The following NXPE4 variants were observed in gnomAD, a reference collection of about 807,000 sequenced individuals.
NXPE4 encodes the protein NXPE family member 4.
NXPE4 carries 42 observed loss-of-function variants against 33.3 expected under a neutral mutation model. The ratio of observed to expected loss-of-function variants is 1.26; its 90% CI spans 0.98 to 1.63. The LOEUF is 1.63. Ranked by LOEUF, NXPE4 falls within the 40% of genes most tolerant of loss-of-function variation. NXPE4 has a pLI of 0.00. For missense variants in NXPE4, 709 were observed against 647.6 expected (o/e 1.09, Z -1.03); for synonymous variants, 253 against 234.9 (o/e 1.08, Z -0.71).
At chr11:114,638,669 TTTTC>T in the NXPE4 span, among the ~76,000 whole-genome samples, 1 of 152,098 alleles carries the variant, frequency 6.6e-6, no homozygotes, top group African/African-American at 2.4e-5. Context: ...TGTTTGTTAG[TTTTC>T]TTTCTAACAG....
chr11:114,665,110 A>G, the NXPE4 span, among the ~76,000 whole-genome samples: 1 of 152,188 alleles, frequency 6.6e-6, no homozygotes, highest in Non-Finnish European at 1.5e-5. Flanking sequence ...AATGTGTATT[A>G]GGGTTTCATT....
intron 5 of NXPE4, among the ~76,000 whole-genome samples, chr11:114,576,996 T>C (rs1406432811): frequency 1.2e-5 from 1 of 85,866 alleles, no homozygotes; most frequent in South Asian, 4.2e-4. Flanking sequence ...TATATACATA[T>C]ATATATATAA....
intron 4 of NXPE4, among the ~76,000 whole-genome samples, chr11:114,581,298 G>A (rs1949139363): frequency 6.6e-6 from 1 of 152,176 alleles, no homozygotes; most frequent in Non-Finnish European, 1.5e-5. Context: ...CAAAGATCAA[G>A]AGGGAGGGGT....
chr11:114,576,889 CAT>C (rs1316098365), intron 5 of NXPE4, among the ~76,000 whole-genome samples: 10 of 150,702 alleles, frequency 6.6e-5, no homozygotes, highest in Non-Finnish European at 8.9e-5. Flanking sequence ...CTTGTACACA[CAT>C]GTTTCTAGCA....
intron 2 of NXPE4, chr11:114,583,443 T>C (rs1330145185): frequency 3.0e-6 from 2 of 669,658 alleles, no homozygotes; most frequent in Non-Finnish European, 5.6e-6. Context: ...GCTGAGGAGA[T>C]GACCAAGTAC....
Position 114,582,670 on chromosome 11 carries a change from C to A in NXPE4, c.448G>T (p.Gly150Cys). Residue 150 changes from glycine to cysteine, a missense_variant, in exon 3 of 6, where the codon GGT becomes TGT. Coordinates refer to ENST00000375478, the MANE Select transcript of NXPE4 (RefSeq NM_001077639.2). ...AAGTCAGTCACCTTTCCTGAAGCAC[C>A]TGCCATCAGCGCTGGGGAAGACATC... ...ARMSSPALMA[G>C]ASGKVTDFNN... is the part of the protein sequence containing the mutation. 1 of 1,614,158 alleles carries A rather than the reference C, an allele frequency of 6.2e-7. No individual in the cohort carries two copies. Among genetic ancestry groups the A allele is most frequent in the Non-Finnish European group, 8.5e-7 (1 of 1,180,012 alleles).
In NXPE4 at chr11:114,580,214, T is replaced by A. The variant is rs752002932; in HGVS notation, c.1017A>T (p.Glu339Asp). The A allele has an allele frequency of 3.1e-6, 5 of 1,614,092 alleles. No homozygotes were observed. In the Admixed American group the frequency reaches 8.3e-5, roughly 27 times the overall value. ...GGTATATGAGTTTTCCTCTCAGGCA[T>A]TCCTTCATTTTGACTGTAGCCAAAC... Reference protein sequence around the residue: ...SCSLATVKMKECLRGKLIYLM... With the variant: ...SCSLATVKMKDCLRGKLIYLM... The change falls in exon 5 of 6, where the codon GAA becomes GAT. Residue 339 changes from glutamate (E) to aspartate (D), a missense_variant. Coordinates refer to ENST00000375478, the MANE Select transcript of NXPE4 (RefSeq NM_001077639.2).
the NXPE4 span, among the ~76,000 whole-genome samples, chr11:114,603,123 A>G: frequency 6.6e-6 from 1 of 151,902 alleles, no homozygotes; most frequent in Non-Finnish European, 1.5e-5. Flanking sequence ...AACTACTATT[A>G]TCTAGTGGAT....
At chr11:114,646,776 T>A in the NXPE4 span, among the ~76,000 whole-genome samples, 1 of 152,224 alleles carries the variant, frequency 6.6e-6, no homozygotes, top group Non-Finnish European at 1.5e-5. Flanking sequence ...TTAAAGAGTT[T>A]TCTTTTTAAG....
the NXPE4 span, among the ~76,000 whole-genome samples, chr11:114,636,569 G>C: frequency 6.6e-6 from 1 of 151,308 alleles, no homozygotes; most frequent in Non-Finnish European, 1.5e-5. Flanking sequence ...TGTCAATTTT[G>C]GATCTTTCCT....
the NXPE4 span, among the ~76,000 whole-genome samples, chr11:114,639,340 G>C: frequency 1.3e-5 from 2 of 151,984 alleles, no homozygotes; most frequent in South Asian, 4.1e-4. Flanking sequence ...ATTAGGGTGG[G>C]AGTGACCCGA....
At chr11:114,649,118 C>T in the NXPE4 span, among the ~76,000 whole-genome samples, 2 of 150,508 alleles carry the variant, frequency 1.3e-5, no homozygotes, top group African/African-American at 4.9e-5. Flanking sequence ...CAGCAAGCAC[C>T]TCAGCTTGTC....
chr11:114,620,002 T>C, the NXPE4 span, among the ~76,000 whole-genome samples: 1 of 152,064 alleles, frequency 6.6e-6, no homozygotes, highest in Admixed American at 6.6e-5. Flanking sequence ...TAGTATTGCC[T>C]CGTGGGTAAC....
chr11:114,589,036 G>C (rs2135271375), intron 2 of NXPE4, among the ~76,000 whole-genome samples: 1 of 152,268 alleles, frequency 6.6e-6, no homozygotes, highest in East Asian at 1.9e-4. Flanking sequence ...GGCTCTGGTA[G>C]CTGCTTTGCA....
intron 5 of NXPE4, among the ~76,000 whole-genome samples, chr11:114,572,723 C>A (rs558000876): frequency 4.0e-5 from 6 of 151,654 alleles, no homozygotes; most frequent in Non-Finnish European, 8.8e-5. Flanking sequence ...ATGCTAAATG[C>A]CCCAACCTAA....
At chr11:114,583,331 G>A (rs1302992634) in intron 2 of NXPE4, 3 of 620,626 alleles carry the variant, frequency 4.8e-6, no homozygotes, top group Non-Finnish European at 9.2e-6. Context: ...TTATGGACAA[G>A]CCCACCCAAG....
intron 2 of NXPE4, among the ~76,000 whole-genome samples, chr11:114,591,577 A>G (rs560260662): frequency 6.6e-6 from 1 of 151,876 alleles, no homozygotes; most frequent in East Asian, 1.9e-4. Flanking sequence ...AAGCCTCAGT[A>G]CTCCCCTGCA....
At chr11:114,612,005 C>T in the NXPE4 span, among the ~76,000 whole-genome samples, 1 of 142,350 alleles carries the variant, frequency 7.0e-6, no homozygotes, top group African/African-American at 2.6e-5. Flanking sequence ...GATAATAAGT[C>T]ATGCCTCATG....
the NXPE4 span, among the ~76,000 whole-genome samples, chr11:114,663,453 G>A: frequency 6.6e-6 from 1 of 152,070 alleles, no homozygotes; most frequent in Admixed American, 6.6e-5. Context: ...TGTCTTAGAA[G>A]GACATGGTGG....
Sources: gnomAD v4.1 joint callset for allele counts (sites outside exome capture counted in the v4.1 genomes callset) on GRCh38, gnomAD v4.1.1 for gene constraint, MANE v1.5 for transcripts, NCBI Gene and HGNC (gene_info 2026-07-23, HGNC 2026-07-21) for gene names.